ERBB4: variants seen among roughly 807,000 people sequenced by gnomAD.
The protein encoded by ERBB4 is erb-b2 receptor tyrosine kinase 4.
A neutral mutation model predicts 158.0 loss-of-function variants in ERBB4; 42 were observed. That is an observed-to-expected ratio of 0.27 (90% CI 0.21 to 0.34). The LOEUF is 0.34. Ranked by LOEUF, ERBB4 falls within the 10% of genes least tolerant of loss-of-function variation. The probability of loss-of-function intolerance (pLI) is 1.00; values close to 1 mark genes in which losing one functional copy is unlikely to be tolerated. For synonymous variants in ERBB4, 583 were observed against 558.7 expected (o/e 1.04, Z -0.61); for missense variants, 1,333 against 1,624.1 (o/e 0.82, Z 3.08).
At chr2:212,018,930 C>T (rs2076585404) in intron 2 of ERBB4, among the ~76,000 whole-genome samples, 1 of 152,040 alleles carries the variant, frequency 6.6e-6, no homozygotes, top group Non-Finnish European at 1.5e-5. Flanking sequence ...GTTCAAGACC[C>T]AATAACTGGC....
chr2:211,907,003 A>G (rs2079411496), intron 3 of ERBB4, among the ~76,000 whole-genome samples: 1 of 151,558 alleles, frequency 6.6e-6, no homozygotes, highest in African/African-American at 2.4e-5. Context: ...AAATAATGAT[A>G]TTTGTGTTCT....
intron 20 of ERBB4, among the ~76,000 whole-genome samples, chr2:211,499,307 G>A (rs901038433): frequency 6.6e-6 from 1 of 151,896 alleles, no homozygotes; most frequent in Non-Finnish European, 1.5e-5. Flanking sequence ...GGTGGATCAC[G>A]AGGTCAGGAG....
chr2:211,504,323 C>A (rs1244832920), intron 20 of ERBB4, among the ~76,000 whole-genome samples: 1 of 151,916 alleles, frequency 6.6e-6, no homozygotes, highest in African/African-American at 2.4e-5. Context: ...TTGAAAAAAC[C>A]ACTAGACTAA....
At chr2:211,686,529 A>ATT in intron 12 of ERBB4, among the ~76,000 whole-genome samples, 1 of 646 alleles carries the variant, frequency 1.5e-3, no homozygotes, top group Non-Finnish European at 3.4e-3. Context: ...TTGCCTCTAG[A>ATT]TTCTTTTTTT....
intron 3 of ERBB4, among the ~76,000 whole-genome samples, chr2:211,931,724 T>C (rs2125100339): frequency 6.6e-6 from 1 of 152,212 alleles, no homozygotes; most frequent in Non-Finnish European, 1.5e-5. Flanking sequence ...AATACGAATC[T>C]TCTGGTTGCT....
At chr2:212,310,609 ATGTGTGTGTGTGTG>A (rs56209146) in intron 1 of ERBB4, among the ~76,000 whole-genome samples, 4 of 143,486 alleles carry the variant, frequency 2.8e-5, no homozygotes, top group East Asian at 2.0e-4. Flanking sequence ...ATATATGTAT[ATGTGTGTGTGTGTG>A]TGTGTGTGTG....
At chr2:211,758,832 G>A (rs2075343546) in intron 4 of ERBB4, among the ~76,000 whole-genome samples, 1 of 152,178 alleles carries the variant, frequency 6.6e-6, no homozygotes, top group Admixed American at 6.5e-5. Flanking sequence ...GATGTTCTAA[G>A]CATTTTGGAT....
At chr2:211,847,321 GGTT>G (rs1268803568) in intron 3 of ERBB4, among the ~76,000 whole-genome samples, 5 of 151,886 alleles carry the variant, frequency 3.3e-5, no homozygotes, top group Non-Finnish European at 7.4e-5. Context: ...GTCAACAAGC[GGTT>G]ACAATAACCA....
intron 3 of ERBB4, among the ~76,000 whole-genome samples, chr2:211,838,899 G>A (rs2077400875): frequency 6.6e-6 from 1 of 151,956 alleles, no homozygotes. Flanking sequence ...TTTCACCCAA[G>A]GAAAAGCTAT....
chr2:212,154,047 C>T (rs2080955337), intron 1 of ERBB4, among the ~76,000 whole-genome samples: 1 of 152,082 alleles, frequency 6.6e-6, no homozygotes, highest in South Asian at 2.1e-4. Flanking sequence ...ATGCCCCCTA[C>T]CCCATACAAC....
intron 1 of ERBB4, among the ~76,000 whole-genome samples, chr2:212,193,689 A>G (rs2105884918): frequency 6.6e-6 from 1 of 152,234 alleles, no homozygotes; most frequent in Admixed American, 6.5e-5. Context: ...ATATTTCTGA[A>G]ACTGTATGAT....
chr2:212,444,373 G>A (rs771383191), intron 1 of ERBB4, among the ~76,000 whole-genome samples: 1 of 152,158 alleles, frequency 6.6e-6, no homozygotes, highest in Non-Finnish European at 1.5e-5. Context: ...CCAGATGTGC[G>A]ATTATATACT....
chr2:212,293,586 G>A (rs956559297), intron 1 of ERBB4, among the ~76,000 whole-genome samples: 11 of 151,984 alleles, frequency 7.2e-5, no homozygotes, highest in Admixed American at 2.0e-4. Flanking sequence ...GGTGGCTCAC[G>A]CCTTTAATCC....
chr2:211,795,840 G>A (rs1206198192), intron 3 of ERBB4, among the ~76,000 whole-genome samples: 1 of 151,480 alleles, frequency 6.6e-6, no homozygotes, highest in Non-Finnish European at 1.5e-5. Context: ...ATTCATTCTG[G>A]GTGATCATAT....
intron 15 of ERBB4, among the ~76,000 whole-genome samples, chr2:211,658,403 C>T (rs554657016): frequency 6.6e-6 from 1 of 152,036 alleles, no homozygotes; most frequent in African/African-American, 2.4e-5. Flanking sequence ...ATAAGAAAAC[C>T]ATGAGCAATC....
chr2:212,231,664 T>C lies in ERBB4; in HGVS notation c.83-106761A>G, dbSNP rs761587748. ...TAAACAGTCAGGTCTGATAGAAGCATATGACAAAAATTAGGATAGATAAGA... is the reference window on the plus strand; with the variant it reads ...TAAACAGTCAGGTCTGATAGAAGCACATGACAAAAATTAGGATAGATAAGA... On this transcript the variant is annotated intron_variant, in intron 1 of 27. Coordinates refer to ENST00000342788, the MANE Select transcript of ERBB4 (RefSeq NM_005235.3). 2.3e-4 allele frequency among the ~76,000 whole-genome samples: 35 copies of C among 152,224 alleles called. 1 individual carries two copies. The highest frequency in any genetic ancestry group is 1.3e-4 in the Non-Finnish European group (9 of 68,036).
At chr2:211,821,839 C>G (rs2077002747) in intron 3 of ERBB4, among the ~76,000 whole-genome samples, 1 of 151,830 alleles carries the variant, frequency 6.6e-6, no homozygotes, top group East Asian at 1.9e-4. Context: ...AACTCTCATG[C>G]TAGATATAGT....
At chr2:211,452,270 C>T (rs903238862) in intron 20 of ERBB4, among the ~76,000 whole-genome samples, 13 of 152,048 alleles carry the variant, frequency 8.5e-5, no homozygotes, top group Admixed American at 5.2e-4. Context: ...CTCTGCCTCC[C>T]GGGTTCAAGC....
chr2:211,510,491 T>G (rs1379546433), intron 20 of ERBB4, among the ~76,000 whole-genome samples: 1 of 152,106 alleles, frequency 6.6e-6, no homozygotes, highest in African/African-American at 2.4e-5. Flanking sequence ...GAAGACAGCA[T>G]AGTGCCATGT....
Sources: allele counts gnomAD v4.1 joint callset (sites outside exome capture counted in the v4.1 genomes callset), GRCh38; gene constraint gnomAD v4.1.1; transcripts MANE v1.5; gene names NCBI Gene and HGNC (gene_info 2026-07-23, HGNC 2026-07-21).